ZMAT3: variants seen among roughly 807,000 people sequenced by gnomAD.
The protein encoded by ZMAT3 is zinc finger matrin-type protein 3.
A neutral mutation model predicts 32.3 loss-of-function variants in ZMAT3; 17 were observed. That is an observed-to-expected ratio of 0.53 (90% CI 0.36 to 0.79). ZMAT3 has a LOEUF of 0.79. Ranked by LOEUF, ZMAT3 falls within the 30% of genes least tolerant of loss-of-function variation. The probability of loss-of-function intolerance (pLI) is 0.00; values close to 1 mark genes in which losing one functional copy is unlikely to be tolerated. For missense variants in ZMAT3, 329 were observed against 359.7 expected (o/e 0.91, Z 0.69); for synonymous variants, 120 against 133.1 (o/e 0.90, Z 0.68).
At chr3:179,064,492 T>C (rs1721304489) in intron 2 of ZMAT3, among the ~76,000 whole-genome samples, 1 of 152,192 alleles carries the variant, frequency 6.6e-6, no homozygotes, top group Non-Finnish European at 1.5e-5. Context: ...TGCAGTGGCA[T>C]GATTATAGCT....
chr3:179,043,826 T>C (rs1720082816), intron 2 of ZMAT3, among the ~76,000 whole-genome samples: 1 of 152,192 alleles, frequency 6.6e-6, no homozygotes. Context: ...TCTCCCCATC[T>C]GACAAAGGGC....
chr3:179,044,637 C>G (rs114838383), intron 2 of ZMAT3, among the ~76,000 whole-genome samples: 6,776 of 152,118 alleles, frequency 0.045, 195 homozygotes, highest in South Asian at 0.081. Context: ...GAGCAAGACT[C>G]TGTCTCAAAA....
chr3:179,025,314 T>A, intron 5 of ZMAT3, 86 bp from the exon 6 acceptor site: 1 of 1,105,296 alleles, frequency 9.0e-7, no homozygotes, highest in Admixed American at 2.3e-5. Context: ...TTTGTAATTC[T>A]AAGTTCAAAT....
chr3:179,057,884 T>G (rs904532466), intron 2 of ZMAT3, among the ~76,000 whole-genome samples: 2 of 152,226 alleles, frequency 1.3e-5, no homozygotes, highest in African/African-American at 4.8e-5. Context: ...AATACCCATT[T>G]AGTAAGATGG....
At position 179,069,616 on chromosome 3, in the gene ZMAT3, G is replaced by C. The variant is rs1042792978; in HGVS notation, c.-57-1807C>G. 2.6e-5 allele frequency among the ~76,000 whole-genome samples: 4 copies of C among 152,224 alleles called. No individual in the cohort carries two copies. The South Asian group carries it at 8.3e-4, about 32-fold the overall frequency. ...ATCAAGTAAATTTTGAAAAGTTAAA[G>C]TCTATTTTACCATATTTGATAACTA... On this transcript the variant is annotated intron_variant, in intron 1 of 5. Coordinates refer to ENST00000311417, the MANE Select transcript of ZMAT3 (RefSeq NM_022470.4).
chr3:179,060,905 TA>T (rs1721122709), intron 2 of ZMAT3, among the ~76,000 whole-genome samples: 1 of 151,982 alleles, frequency 6.6e-6, no homozygotes, highest in African/African-American at 2.4e-5. Context: ...CAACATTAGA[TA>T]AAAACAGAAA....
chr3:179,071,475 G>A (rs935848786), intron 1 of ZMAT3, 120 bp downstream of exon 1: 6 of 152,276 alleles, frequency 3.9e-5, no homozygotes, highest in Non-Finnish European at 5.9e-5. Flanking sequence ...ATAAATAGAA[G>A]CAGCGCAAGC....
intron 3 of ZMAT3, among the ~76,000 whole-genome samples, chr3:179,028,116 G>C (rs1718979037): frequency 6.6e-6 from 1 of 152,148 alleles, no homozygotes; most frequent in African/African-American, 2.4e-5. Context: ...GGGTAAAATA[G>C]GTAAGGCCTA....
intron 2 of ZMAT3, among the ~76,000 whole-genome samples, chr3:179,031,301 A>T (rs1719173520): frequency 6.6e-6 from 1 of 151,898 alleles, no homozygotes; most frequent in Non-Finnish European, 1.5e-5. Context: ...CTTCTACTAG[A>T]GGTCTTGATA....
intron 2 of ZMAT3, among the ~76,000 whole-genome samples, chr3:179,037,050 C>CTTT (rs1281494055): frequency 6.6e-6 from 1 of 152,156 alleles, no homozygotes; most frequent in East Asian, 1.9e-4. Context: ...CTCTTGGGCC[C>CTTT]CCTCTCTGCT....
chr3:179,035,273 T>G (rs1465170064), intron 2 of ZMAT3, among the ~76,000 whole-genome samples: 1 of 152,224 alleles, frequency 6.6e-6, no homozygotes, highest in African/African-American at 2.4e-5. Context: ...CTCTTGGGCC[T>G]TATGTCAGAC....
intron 2 of ZMAT3, among the ~76,000 whole-genome samples, chr3:179,063,489 T>G (rs539825186): frequency 1.3e-5 from 2 of 152,282 alleles, no homozygotes; most frequent in African/African-American, 4.8e-5. Context: ...TAGAAAGCCA[T>G]GTTTATGACA....
intron 2 of ZMAT3, among the ~76,000 whole-genome samples, chr3:179,037,900 A>G (rs898124240): frequency 2.0e-5 from 3 of 152,232 alleles, no homozygotes; most frequent in Admixed American, 6.5e-5. Flanking sequence ...TCTGCCCTCA[A>G]GAAGCTTTTC....
At chr3:179,054,877 C>T (rs886880197) in intron 2 of ZMAT3, among the ~76,000 whole-genome samples, 18 of 152,188 alleles carry the variant, frequency 1.2e-4, no homozygotes, top group South Asian at 2.1e-4. Context: ...GCTAAGTGCC[C>T]GGGTTCATCC....
intron 5 of ZMAT3, among the ~76,000 whole-genome samples, chr3:179,026,047 T>G (rs1718849126): frequency 6.6e-6 from 1 of 152,224 alleles, no homozygotes. Flanking sequence ...TAATATATTT[T>G]CATTACTGTT....
chr3:179,060,840 C>T (rs765068950), intron 2 of ZMAT3, among the ~76,000 whole-genome samples: 3 of 151,772 alleles, frequency 2.0e-5, no homozygotes, highest in Non-Finnish European at 2.9e-5. Context: ...AAGAAAGACA[C>T]AAAATTAAAA....
Position 179,067,699 on chromosome 3 carries a change from C to T in ZMAT3, c.54G>A (p.Ser18=), listed in dbSNP as rs779443540. The change falls in exon 2 of 6, where the codon TCG becomes TCA. Residue 18 remains serine (S), a synonymous_variant. Coordinates refer to ENST00000311417, the MANE Select transcript of ZMAT3 (RefSeq NM_022470.4). The part of the protein sequence containing the change: ...VLPPPKQPSP[S]PPMSVATRST... The stretch of plus-strand genomic sequence containing the variant: ...ACCTGGTGGCCACTGACATAGGAGG[C>T]GAGGGTGAGGGCTGCTTAGGTGGAG... 4.3e-6 allele frequency: 7 copies of T among 1,613,978 alleles called. No homozygotes were observed. The highest frequency in any genetic ancestry group is 2.2e-5 in the East Asian group (1 of 44,876).
intron 2 of ZMAT3, among the ~76,000 whole-genome samples, chr3:179,061,743 A>T (rs115619338): frequency 1.7e-4 from 26 of 152,350 alleles, no homozygotes; most frequent in African/African-American, 6.3e-4. Context: ...GCATGGGATC[A>T]TGACACTGGA....
rs577748785 is a variant in ZMAT3 at position 179,039,442 on chromosome 3, G to A, written c.271-8443C>T. Among the ~76,000 whole-genome samples the A allele has an allele frequency of 2.2e-4, 34 of 152,302 alleles. No individual in the cohort carries two copies. In the South Asian group the frequency reaches 5.4e-3, roughly 24 times the overall value. On this transcript the variant is annotated intron_variant, in intron 2 of 5. Transcript: ENST00000311417. ...TCCGCTGGTGATACCCAGGCAAACC[G>A]GGTCTGGAGTGGACCTCCAGCAAAC...
Sources: gnomAD v4.1 joint callset for allele counts (sites outside exome capture counted in the v4.1 genomes callset) on GRCh38, gnomAD v4.1.1 for gene constraint, MANE v1.5 for transcripts, NCBI Gene and HGNC (gene_info 2026-07-23, HGNC 2026-07-21) for gene names.